LRMDA: variants seen among roughly 807,000 people sequenced by gnomAD.
LRMDA encodes the protein leucine-rich melanocyte differentiation-associated protein.
Under a neutral mutation model 29.8 loss-of-function variants are expected in LRMDA, and 18 were observed. The observed-to-expected ratio is 0.60, with a 90% CI of 0.42 to 0.90. LRMDA has a LOEUF of 0.90. Ranked by LOEUF, LRMDA falls within the 40% of genes least tolerant of loss-of-function variation. The probability of loss-of-function intolerance (pLI) is 0.00; values close to 1 mark genes in which losing one functional copy is unlikely to be tolerated. For synonymous variants in LRMDA, 125 were observed against 109.4 expected (o/e 1.14, Z -0.89); for missense variants, 273 against 273.9 (o/e 1.00, Z 0.02).
At chr10:76,200,993 A>G (rs1024446646) in intron 5 of LRMDA, among the ~76,000 whole-genome samples, 1 of 151,484 alleles carries the variant, frequency 6.6e-6, no homozygotes, top group African/African-American at 2.4e-5. Flanking sequence ...CTGGGATTAC[A>G]GGCGTGAGCC....
chr10:76,446,155 T>C (rs527809014), intron 6 of LRMDA, among the ~76,000 whole-genome samples: 1 of 152,300 alleles, frequency 6.6e-6, no homozygotes, highest in South Asian at 2.1e-4. Flanking sequence ...TAACAATGTG[T>C]TTTTATTTTA....
intron 6 of LRMDA, among the ~76,000 whole-genome samples, chr10:76,476,941 A>G (rs918002030): frequency 1.3e-5 from 2 of 152,190 alleles, no homozygotes; most frequent in Non-Finnish European, 2.9e-5. Context: ...CACAGCCATT[A>G]TCATACTGAA....
chr10:76,125,322 T>C (rs751491180), intron 5 of LRMDA, among the ~76,000 whole-genome samples: 1 of 152,158 alleles, frequency 6.6e-6, no homozygotes, highest in Admixed American at 6.5e-5. Flanking sequence ...TGGAGAAGAT[T>C]TGGAGAATTT....
chr10:75,670,566 C>T (rs890968273), intron 2 of LRMDA, among the ~76,000 whole-genome samples: 6 of 152,176 alleles, frequency 3.9e-5, no homozygotes, highest in African/African-American at 1.4e-4. Flanking sequence ...CCCAGTCCTC[C>T]TTCCCATCCT....
At chr10:75,480,913 C>T (rs1844849372) in intron 2 of LRMDA, among the ~76,000 whole-genome samples, 1 of 151,980 alleles carries the variant, frequency 6.6e-6, no homozygotes, top group Non-Finnish European at 1.5e-5. Flanking sequence ...AGGGGTGAGG[C>T]ATGGGAGGAG....
intron 2 of LRMDA, among the ~76,000 whole-genome samples, chr10:75,443,147 C>T (rs1018326647): frequency 5.9e-5 from 9 of 152,140 alleles, no homozygotes; most frequent in Admixed American, 5.9e-4. Flanking sequence ...ATGTCATCTG[C>T]AAACAGAGAC....
chr10:75,808,165 T>C (rs976025939), intron 2 of LRMDA, among the ~76,000 whole-genome samples: 2 of 152,202 alleles, frequency 1.3e-5, no homozygotes, highest in Non-Finnish European at 2.9e-5. Context: ...GCAGATGAGA[T>C]GTCCCTGCCT....
intron 5 of LRMDA, among the ~76,000 whole-genome samples, chr10:76,171,097 C>A (rs1038892446): frequency 9.9e-5 from 15 of 152,198 alleles, no homozygotes; most frequent in African/African-American, 2.4e-4. Flanking sequence ...GCAGCTATAT[C>A]TGTGCCTAGA....
chr10:76,275,369 T>G (rs1840118070), intron 5 of LRMDA, among the ~76,000 whole-genome samples: 1 of 152,066 alleles, frequency 6.6e-6, no homozygotes, highest in South Asian at 2.1e-4. Context: ...TTTTTTAACT[T>G]GCTAAACTCT....
chr10:75,980,138 G>T (rs1186956787), intron 2 of LRMDA, among the ~76,000 whole-genome samples: 2 of 152,198 alleles, frequency 1.3e-5, no homozygotes, highest in Admixed American at 1.3e-4. Flanking sequence ...CACTCAAAGG[G>T]ATAATTCGTG....
intron 2 of LRMDA, among the ~76,000 whole-genome samples, chr10:75,619,555 G>A (rs1425460889): frequency 6.6e-6 from 1 of 152,148 alleles, no homozygotes; most frequent in Non-Finnish European, 1.5e-5. Flanking sequence ...CTATTTTTGG[G>A]CTGAGACTGA....
intron 2 of LRMDA, among the ~76,000 whole-genome samples, chr10:75,909,777 T>C (rs1845815042): frequency 1.3e-5 from 2 of 152,222 alleles, no homozygotes; most frequent in African/African-American, 2.4e-5. Context: ...AGGACTGTCA[T>C]AAGCATGTCA....
intron 2 of LRMDA, among the ~76,000 whole-genome samples, chr10:75,864,971 T>C (rs1366334957): frequency 6.6e-6 from 1 of 152,190 alleles, no homozygotes; most frequent in Non-Finnish European, 1.5e-5. Context: ...CATAAAAAAA[T>C]CTTCAATTTT....
chr10:75,570,547 A>G (rs955884298), intron 2 of LRMDA, among the ~76,000 whole-genome samples: 1 of 152,226 alleles, frequency 6.6e-6, no homozygotes, highest in African/African-American at 2.4e-5. Context: ...TATTTCATAC[A>G]TCTAAATAGT....
chr10:76,055,146 G>A (rs377381352), intron 4 of LRMDA, among the ~76,000 whole-genome samples: 38 of 151,482 alleles, frequency 2.5e-4, no homozygotes, highest in African/African-American at 8.2e-4. Context: ...GTGTTTTGTG[G>A]CACTTTCTTG....
chr10:76,437,492 C>T (rs983842483), intron 6 of LRMDA: 2 of 152,210 alleles, frequency 1.3e-5, no homozygotes, highest in Admixed American at 6.5e-5. Context: ...TGAGGACCTA[C>T]TGTGCTCAAA....
chr10:76,104,840 T>C (rs1849454526), intron 5 of LRMDA, among the ~76,000 whole-genome samples: 1 of 152,074 alleles, frequency 6.6e-6, no homozygotes, highest in South Asian at 2.1e-4. Flanking sequence ...GGCCTTGCCC[T>C]GTCTCATGTC....
At chr10:75,799,743 A>G (rs1415150029) in intron 2 of LRMDA, among the ~76,000 whole-genome samples, 5 of 148,990 alleles carry the variant, frequency 3.4e-5, no homozygotes, top group Non-Finnish European at 7.4e-5. Flanking sequence ...ACGGGGTTTC[A>G]GCATGTTGAC....
intron 2 of LRMDA, among the ~76,000 whole-genome samples, chr10:75,677,012 A>G (rs769715019): frequency 1.1e-4 from 16 of 152,248 alleles, no homozygotes; most frequent in Non-Finnish European, 2.1e-4. Context: ...ACTAATAAAA[A>G]TATCATGACA....
Sources: gnomAD v4.1 joint callset for allele counts (sites outside exome capture counted in the v4.1 genomes callset) on GRCh38, gnomAD v4.1.1 for gene constraint, MANE v1.5 for transcripts, NCBI Gene and HGNC (gene_info 2026-07-23, HGNC 2026-07-21) for gene names.